The following RBFOX3 variants were observed in gnomAD, a reference collection of about 807,000 sequenced individuals.
RBFOX3 encodes the protein RNA binding protein fox-1 homolog 3.
Under a neutral mutation model 48.7 loss-of-function variants are expected in RBFOX3, and 17 were observed. The observed-to-expected ratio is 0.35, with a 90% CI of 0.24 to 0.52. The LOEUF is 0.52. Among genes scored for constraint, RBFOX3 ranks in the 20% least tolerant of loss-of-function variants. RBFOX3 has a pLI of 0.94. For synonymous variants in RBFOX3, 212 were observed against 209.5 expected, an observed-to-expected ratio of 1.01 and a Z score of -0.10; for missense variants, 382 against 497.5, an observed-to-expected ratio of 0.77 and a Z score of 2.21.
chr17:79,159,494 C>T (rs562888810), intron 4 of RBFOX3, among the ~76,000 whole-genome samples: 1 of 152,186 alleles, frequency 6.6e-6, no homozygotes, highest in African/African-American at 2.4e-5. Flanking sequence ...GCATCTGTGG[C>T]AGGCTCCTGG....
the RBFOX3 span, among the ~76,000 whole-genome samples, chr17:79,619,784 A>C: frequency 3.3e-5 from 5 of 152,072 alleles, no homozygotes; most frequent in African/African-American, 1.2e-4. Flanking sequence ...CTCCAGGGAC[A>C]AGCCATTCAC....
the RBFOX3 span, among the ~76,000 whole-genome samples, chr17:79,616,582 A>AACAAACACACACACACACACAC: frequency 6.9e-6 from 1 of 145,650 alleles, no homozygotes; most frequent in African/African-American, 2.5e-5. Context: ...TCTCTATACA[A>AACAAACACACACACACACACAC]ACACACACAC....
chr17:79,348,017 G>A (rs541740857), intron 2 of RBFOX3, among the ~76,000 whole-genome samples: 14 of 152,272 alleles, frequency 9.2e-5, no homozygotes, highest in Admixed American at 9.2e-4. Flanking sequence ...CAAGTGGAGA[G>A]GCTCCAAAAA....
At chr17:79,186,929 T>C (rs1263683654) in intron 4 of RBFOX3, among the ~76,000 whole-genome samples, 1 of 152,178 alleles carries the variant, frequency 6.6e-6, no homozygotes, top group Non-Finnish European at 1.5e-5. Context: ...TCTCCTCCAG[T>C]TGGGCAGGGC....
At chr17:79,237,713 C>T (rs1392301728) in intron 3 of RBFOX3, among the ~76,000 whole-genome samples, 2 of 152,198 alleles carry the variant, frequency 1.3e-5, no homozygotes, top group African/African-American at 4.8e-5. Flanking sequence ...TTGAACTGGG[C>T]ACTGGGCTGG....
intron 3 of RBFOX3, among the ~76,000 whole-genome samples, chr17:79,306,141 C>T (rs752152768): frequency 2.1e-4 from 32 of 152,244 alleles, no homozygotes; most frequent in South Asian, 2.1e-4. Context: ...GGCCTGCAGG[C>T]GGCGGCTGCT....
At chr17:79,180,282 C>T (rs758367617) in intron 4 of RBFOX3, among the ~76,000 whole-genome samples, 43 of 152,202 alleles carry the variant, frequency 2.8e-4, no homozygotes, top group Non-Finnish European at 4.9e-4. Context: ...TTCAGTAGAA[C>T]GGAATTCCGC....
At chr17:79,113,122 G>T (rs1251514337) in intron 5 of RBFOX3, among the ~76,000 whole-genome samples, 1 of 152,090 alleles carries the variant, frequency 6.6e-6, no homozygotes, top group Non-Finnish European at 1.5e-5. Context: ...GGGGAGGCTC[G>T]AGTGAGCTGA....
the RBFOX3 span, among the ~76,000 whole-genome samples, chr17:79,623,447 C>T: frequency 6.6e-6 from 1 of 152,104 alleles, no homozygotes; most frequent in South Asian, 2.1e-4. Flanking sequence ...TGGGGTTGCT[C>T]ACTGGTGACC....
intron 2 of RBFOX3, among the ~76,000 whole-genome samples, chr17:79,400,169 G>A (rs972694162): frequency 6.6e-6 from 1 of 152,062 alleles, no homozygotes; most frequent in South Asian, 2.1e-4. Flanking sequence ...CTCCAGAGGG[G>A]AGCCACAAAC....
At chr17:79,229,061 T>C (rs1194700149) in intron 4 of RBFOX3, among the ~76,000 whole-genome samples, 4 of 148,974 alleles carry the variant, frequency 2.7e-5, no homozygotes, top group African/African-American at 9.9e-5. Context: ...ATCCCATCTC[T>C]ACTAAAAATA....
At chr17:79,634,474 C>T in the RBFOX3 span, among the ~76,000 whole-genome samples, 4 of 152,178 alleles carry the variant, frequency 2.6e-5, no homozygotes, top group African/African-American at 9.7e-5. Flanking sequence ...CAGTACATAG[C>T]CTGCAAAGCC....
At chr17:79,146,111 G>A (rs917021179) in intron 4 of RBFOX3, among the ~76,000 whole-genome samples, 2 of 152,158 alleles carry the variant, frequency 1.3e-5, no homozygotes, top group African/African-American at 4.8e-5. Flanking sequence ...TCACGGCAGC[G>A]ATGAAGAGCG....
At chr17:79,524,050 C>T (rs2150020178) in intron 1 of RBFOX3, among the ~76,000 whole-genome samples, 1 of 152,240 alleles carries the variant, frequency 6.6e-6, no homozygotes, top group East Asian at 1.9e-4. Context: ...TCATTAAAGC[C>T]AGGGAGTTGG....
In RBFOX3 at chr17:79,364,679, G is replaced by A. The variant is rs1419408329; in HGVS notation, c.-174-56855C>T. 3.3e-5 allele frequency among the ~76,000 whole-genome samples: 5 copies of A among 152,286 alleles called. No homozygotes were observed. Among genetic ancestry groups the A allele is most frequent in the Middle Eastern group, 6.8e-3 (2 of 294 alleles). Reference sequence around the variant, plus strand: ...ATAGCCTGCTGTTTGCTTTCTGGTGGGGAAGCACGCTCTCCACTGATGGGG... The same window carrying A: ...ATAGCCTGCTGTTTGCTTTCTGGTGAGGAAGCACGCTCTCCACTGATGGGG... On this transcript the variant is annotated intron_variant, in intron 2 of 14. Coordinates refer to ENST00000693108, the MANE Select transcript of RBFOX3 (RefSeq NM_001350451.2). This position sits in a 1 kb window ranked among gnomAD's most constrained non-coding sequence, Gnocchi z 5.1.
intron 4 of RBFOX3, among the ~76,000 whole-genome samples, chr17:79,117,956 T>C (rs1018386587): frequency 2.0e-5 from 3 of 152,142 alleles, no homozygotes; most frequent in Non-Finnish European, 2.9e-5. Flanking sequence ...CAAGGCTGGG[T>C]GTTCTGCTTC....
In RBFOX3 at chr17:79,390,304, G is replaced by T. The variant is rs191069998; in HGVS notation, c.-174-82480C>A. On this transcript the variant is annotated intron_variant, in intron 2 of 14. Coordinates refer to ENST00000693108, the MANE Select transcript of RBFOX3 (RefSeq NM_001350451.2). The surrounding 1 kb of genome is among the most constrained non-coding windows in gnomAD (Gnocchi z 4.2). ...CTGGCAGACACCAGCATCCCGGGGG[G>T]ACTTCTTAGACTCCACTCTGAGTTT... 2.6e-3 allele frequency among the ~76,000 whole-genome samples: 391 copies of T among 152,312 alleles called. 4 individuals are homozygous for T. The highest frequency in any genetic ancestry group is 9.1e-3 in the African/African-American group (377 of 41,560).
intron 1 of RBFOX3, among the ~76,000 whole-genome samples, chr17:79,583,251 G>A (rs1271011058): frequency 6.6e-6 from 1 of 152,204 alleles, no homozygotes; most frequent in African/African-American, 2.4e-5. Context: ...TCACAGGGAT[G>A]CTTTGAGGAT....
At chr17:79,170,651 C>G (rs1003732257) in intron 4 of RBFOX3, among the ~76,000 whole-genome samples, 1 of 152,156 alleles carries the variant, frequency 6.6e-6, no homozygotes, top group Non-Finnish European at 1.5e-5. Context: ...CTCTCTGTCC[C>G]TACTGCTGCC....
Sources: allele counts gnomAD v4.1 joint callset (sites outside exome capture counted in the v4.1 genomes callset), GRCh38; gene constraint gnomAD v4.1.1; non-coding constraint Gnocchi (gnomAD v3.1); transcripts MANE v1.5; gene names NCBI Gene and HGNC (gene_info 2026-07-23, HGNC 2026-07-21).